RRP15: variants seen among roughly 807,000 people sequenced by gnomAD.
RRP15 encodes the protein ribosomal RNA processing 15 homolog.
Under a neutral mutation model 27.1 loss-of-function variants are expected in RRP15, and 18 were observed. The observed-to-expected ratio is 0.66, with a 90% CI of 0.46 to 0.98. The LOEUF (loss-of-function observed/expected upper bound fraction) is 0.98, where lower values mean the gene tolerates loss of function less well. RRP15 is among the 50% of genes least tolerant of loss of function. The probability of loss-of-function intolerance (pLI) is 0.00; values close to 1 mark genes in which losing one functional copy is unlikely to be tolerated. For synonymous variants in RRP15, 107 were observed against 109.4 expected (o/e 0.98, Z 0.14); for missense variants, 359 against 337.8 (o/e 1.06, Z -0.49).
chr1:218,325,930 A>T (rs1030399674), intron 4 of RRP15, among the ~76,000 whole-genome samples: 1 of 151,880 alleles, frequency 6.6e-6, no homozygotes, highest in African/African-American at 2.4e-5. Context: ...TCTGACTTTT[A>T]TAATGTGGTT....
intron 4 of RRP15, among the ~76,000 whole-genome samples, chr1:218,329,871 T>A (rs1222899563): frequency 1.3e-5 from 2 of 152,056 alleles, no homozygotes; most frequent in Non-Finnish European, 2.9e-5. Flanking sequence ...TATCTTTTTT[T>A]AAATAAAGGG....
At position 218,331,626 on chromosome 1, in the gene RRP15, T is replaced by C. The variant is rs1216789458; in HGVS notation, c.*535T>C. ...TTAGTTTTAGGTAATCTGGAAGATA[T>C]GATTTAAGAAACAACAGATTTCAAC... is the stretch of plus-strand genomic sequence containing the variant. On this transcript the variant is annotated 3_prime_UTR_variant, in exon 5 of 5. Transcript: ENST00000366932. The C allele has an allele frequency of 6.8e-6, 1 of 147,216 alleles. No individual in the cohort carries two copies. The highest frequency in any genetic ancestry group is 2.5e-5 in the African/African-American group (1 of 40,058). The allele number at this position is 147,216 out of a possible 1,614,324, so 9.1% of individuals were successfully genotyped here.
At position 218,331,296 on chromosome 1, in the gene RRP15, C is replaced by G. The variant is rs1031613552; in HGVS notation, c.*205C>G. The G allele has an allele frequency of 3.5e-5, 14 of 405,206 alleles. No individual in the cohort carries two copies. The highest frequency in any genetic ancestry group is 8.0e-5 in the Admixed American group (2 of 24,860). The allele number at this position is 405,206 out of a possible 1,614,324, so 25.1% of individuals were successfully genotyped here. Reference sequence around the variant, plus strand: ...CCCTTGTATAATTTTAAGCATTGTTCCTCAGAACATTTGTAAAAGGATATA... The same window carrying G: ...CCCTTGTATAATTTTAAGCATTGTTGCTCAGAACATTTGTAAAAGGATATA... On this transcript the variant is annotated 3_prime_UTR_variant, in exon 5 of 5. Coordinates refer to ENST00000366932, the MANE Select transcript of RRP15 (RefSeq NM_016052.4).
At position 218,285,382 on chromosome 1, in the gene RRP15, G is replaced by T; in HGVS notation, c.66G>T (p.Lys22Asn). The stretch of plus-strand genomic sequence containing the variant: ...AAAACCTGAAAAAGACCCCAAAGAA[G>T]AAGATGAAAATGGTAACTGGAGCCG... The part of the protein sequence containing the change: ...EEENLKKTPK[K>N]KMKMVTGAVA... The change falls in exon 1 of 5, where the codon AAG becomes AAT. Residue 22 changes from lysine (K) to asparagine (N), a missense_variant. Coordinates refer to ENST00000366932, the MANE Select transcript of RRP15 (RefSeq NM_016052.4). 6.2e-7 allele frequency: 1 copy of T among 1,614,160 alleles called. No individual in the cohort carries two copies. The highest frequency in any genetic ancestry group is 1.3e-5 in the African/African-American group (1 of 75,046).
intron 4 of RRP15, among the ~76,000 whole-genome samples, chr1:218,324,137 C>T (rs535788763): frequency 1.3e-5 from 2 of 152,294 alleles, no homozygotes; most frequent in African/African-American, 4.8e-5. Flanking sequence ...GACTGTGCTG[C>T]TCCTTTGCTG....
chr1:218,307,370 CAG>C, intron 3 of RRP15, 59 bp from the exon 4 acceptor site: 1 of 1,417,626 alleles, frequency 7.1e-7, no homozygotes, highest in East Asian at 2.4e-5. Context: ...TTCCTATCCT[CAG>C]AGTTTGTATT....
At chr1:218,322,423 A>T (rs772306780) in intron 4 of RRP15, among the ~76,000 whole-genome samples, 1 of 152,134 alleles carries the variant, frequency 6.6e-6, no homozygotes, top group African/African-American at 2.4e-5. Context: ...TGTTAATAAA[A>T]CTAGAAGGAT....
Position 218,331,049 on chromosome 1 carries a change from A to G in RRP15, c.807A>G (p.Pro269=). The change falls in exon 5 of 5, where the codon CCA becomes CCG. Residue 269 remains proline (P), a synonymous_variant. Transcript: ENST00000366932. ...MKDWDKESDG[P]DDSRPESASD... ...ACTGGGACAAGGAAAGTGATGGGCC[A>G]GATGACAGCAGACCAGAATCTGCAA... The G allele has an allele frequency of 6.2e-7, 1 of 1,613,472 alleles. No homozygotes were observed. Among genetic ancestry groups the G allele is most frequent in the South Asian group, 1.1e-5 (1 of 91,004 alleles).
rs146001835 is a variant in RRP15, at chr1:218,328,340, A to G, written c.706-2608A>G. On this transcript the variant is annotated intron_variant, in intron 4 of 4. Transcript: ENST00000366932. ...AGTGAATTCCTTCCTTTGGTCTACT[A>G]TTGTTCCTTTCTTTCTGAAATACAC... is the stretch of plus-strand genomic sequence containing the variant. Among the ~76,000 whole-genome samples, 1,013 of 152,250 alleles carry G rather than the reference A, an allele frequency of 6.7e-3. 6 individuals are homozygous for G. The highest frequency in any genetic ancestry group is 0.023 in the African/African-American group (955 of 41,536).
chr1:218,310,116 A>T lies in RRP15; in HGVS notation c.705+2484A>T, dbSNP rs543704644. On this transcript the variant is annotated intron_variant, in intron 4 of 4. Coordinates refer to ENST00000366932, the MANE Select transcript of RRP15 (RefSeq NM_016052.4). ...AAATAAAGGAAGAGATTAAGAAAGT[A>T]GAAAGTAATATTTGCCATTTTTTCT... 2.0e-5 allele frequency among the ~76,000 whole-genome samples: 3 copies of T among 152,348 alleles called. No individual in the cohort carries two copies. The East Asian group carries it at 5.8e-4, about 29-fold the overall frequency.
At chr1:218,311,240 A>G (rs963197864) in intron 4 of RRP15, among the ~76,000 whole-genome samples, 1 of 152,064 alleles carries the variant, frequency 6.6e-6, no homozygotes, top group Non-Finnish European at 1.5e-5. Context: ...TATTTACACT[A>G]TTTCTTTATC....
rs1338701851 is a variant in RRP15 at position 218,330,855 on chromosome 1, A to G, written c.706-93A>G. On this transcript the variant is annotated intron_variant, in intron 4 of 4. Coordinates refer to ENST00000366932, the MANE Select transcript of RRP15 (RefSeq NM_016052.4). ...TGGTTTTACCCCTATTTTAAAAACT[A>G]AGCATTGAAAAGTTTGTTTTGTAGC... The G allele has an allele frequency of 3.9e-6, 4 of 1,024,820 alleles. No individual in the cohort carries two copies. The East Asian group carries it at 1.0e-4, about 26-fold the overall frequency. The allele number at this position is 1,024,820 out of a possible 1,614,324, so 63.5% of individuals were successfully genotyped here. A position where few individuals can be genotyped will look rare whatever the true frequency, so the allele number is the denominator to read the frequency against.
rs1193123666 is a variant in RRP15 at position 218,331,536 on chromosome 1, A to C, written c.*445A>C. ...TGGTGTTTTTTGCTTTGTGTTGGGAAGTTATTGAGAAAACCTATATAATAA... is the reference window on the plus strand; with the variant it reads ...TGGTGTTTTTTGCTTTGTGTTGGGACGTTATTGAGAAAACCTATATAATAA... On this transcript the variant is annotated 3_prime_UTR_variant, in exon 5 of 5. Coordinates refer to ENST00000366932, the MANE Select transcript of RRP15 (RefSeq NM_016052.4). The C allele has an allele frequency of 6.6e-6, 1 of 151,750 alleles. No homozygotes were observed. The highest frequency in any genetic ancestry group is 1.9e-4 in the East Asian group (1 of 5,174). 9.4% of individuals were successfully genotyped at this position (151,750 alleles called of 1,614,324 possible). A position where few individuals can be genotyped will look rare whatever the true frequency, so the allele number is the denominator to read the frequency against.
At chr1:218,313,057 T>G (rs1412567320) in intron 4 of RRP15, among the ~76,000 whole-genome samples, 1 of 152,244 alleles carries the variant, frequency 6.6e-6, no homozygotes, top group African/African-American at 2.4e-5. Flanking sequence ...TTTTTCTGTC[T>G]TTCTCTTTTG....
chr1:218,314,069 G>T (rs1351171910), intron 4 of RRP15, among the ~76,000 whole-genome samples: 2 of 151,494 alleles, frequency 1.3e-5, no homozygotes, highest in African/African-American at 2.4e-5. Context: ...TGCCCAGCCT[G>T]GTCTCGAACT....
chr1:218,290,293 T>A (rs193254845), intron 1 of RRP15, among the ~76,000 whole-genome samples: 107 of 152,350 alleles, frequency 7.0e-4, no homozygotes, highest in Admixed American at 6.9e-3. Context: ...GTTACAGTAA[T>A]GTTCAGTAAA....
In RRP15 at chr1:218,287,917, C is replaced by T. The variant is rs556860403; in HGVS notation, c.139+2462C>T. Among the ~76,000 whole-genome samples, 3 of 152,190 alleles carry T rather than the reference C, an allele frequency of 2.0e-5. No homozygotes were observed. In the East Asian group the frequency reaches 5.8e-4, roughly 29 times the overall value. On this transcript the variant is annotated intron_variant, in intron 1 of 4. Coordinates refer to ENST00000366932, the MANE Select transcript of RRP15 (RefSeq NM_016052.4). The stretch of plus-strand genomic sequence containing the variant: ...TAGAAGGATGAATAGTTTTCCTGAC[C>T]TGGGAGTATAGAGGGCAGTTTTCTC...
chr1:218,305,811 T>C (rs1655890317), intron 3 of RRP15, among the ~76,000 whole-genome samples: 1 of 152,158 alleles, frequency 6.6e-6, no homozygotes, highest in Non-Finnish European at 1.5e-5. Flanking sequence ...TTCTAATCCA[T>C]CTCGGTGTTA....
At chr1:218,299,588 T>TGTCA (rs1159281628) in intron 1 of RRP15, among the ~76,000 whole-genome samples, 1 of 152,196 alleles carries the variant, frequency 6.6e-6, no homozygotes, top group East Asian at 1.9e-4. Flanking sequence ...AAACACTAGA[T>TGTCA]GTCAGTGTTG....
Sources: allele counts gnomAD v4.1 joint callset (sites outside exome capture counted in the v4.1 genomes callset), GRCh38; gene constraint gnomAD v4.1.1; transcripts MANE v1.5; gene names NCBI Gene and HGNC (gene_info 2026-07-23, HGNC 2026-07-21).